Variants in PSD2 observed in about 807,000 individuals in gnomAD.
PSD2 encodes the protein pleckstrin and Sec7 domain containing 2, also known as PH and SEC7 domain-containing protein 2.
Under a neutral mutation model 69.8 loss-of-function variants are expected in PSD2, and 38 were observed. The ratio of observed to expected loss-of-function variants is 0.54; its 90% CI spans 0.42 to 0.71. PSD2 has a LOEUF of 0.71. Among genes scored for constraint, PSD2 ranks in the 30% least tolerant of loss-of-function variants. The probability of loss-of-function intolerance (pLI) is 0.00; values close to 1 mark genes in which losing one functional copy is unlikely to be tolerated. For missense variants in PSD2, 943 were observed against 1,014.5 expected (o/e 0.93, Z 0.96); for synonymous variants, 412 against 423.0 (o/e 0.97, Z 0.32).
chr5:139,747,131 C>A, the PSD2 span, among the ~76,000 whole-genome samples: 3 of 152,276 alleles, frequency 2.0e-5, no homozygotes, highest in South Asian at 6.2e-4. This position sits in a 1 kb window ranked among gnomAD's most constrained non-coding sequence, Gnocchi z 6.7. Context: ...TCTTTCTCTG[C>A]CTGTCTCTGT....
At chr5:139,812,952 C>T (rs1176308586) in intron 2 of PSD2, among the ~76,000 whole-genome samples, 1 of 152,160 alleles carries the variant, frequency 6.6e-6, no homozygotes, top group Non-Finnish European at 1.5e-5. Flanking sequence ...CTGGGTGTTC[C>T]ATGGCCATAA....
chr5:139,785,790 T>C, the PSD2 span, among the ~76,000 whole-genome samples: 5 of 152,088 alleles, frequency 3.3e-5, no homozygotes, highest in East Asian at 9.6e-4. Flanking sequence ...GGGTCTCCAA[T>C]CTAAAAATGG....
At chr5:139,832,851 G>A (rs1279233091) in intron 7 of PSD2, among the ~76,000 whole-genome samples, 2 of 152,154 alleles carry the variant, frequency 1.3e-5, no homozygotes, top group Non-Finnish European at 2.9e-5. Flanking sequence ...TTAGGTGTTG[G>A]GTTTGCAGGG....
rs1237232010 is a variant in PSD2 at position 139,837,028 on chromosome 5, T to C, written c.1594+27T>C. 1.2e-6 allele frequency: 2 copies of C among 1,604,546 alleles called. No individual in the cohort carries two copies. The highest frequency in any genetic ancestry group is 1.3e-5 in the African/African-American group (1 of 74,580). On this transcript the variant is annotated intron_variant, in intron 10 of 14. Coordinates refer to ENST00000274710, the MANE Select transcript of PSD2 (RefSeq NM_032289.4). The surrounding 1 kb of genome is among the most constrained non-coding windows in gnomAD (Gnocchi z 5.0). Reference sequence around the variant, plus strand: ...TGGGTGTCAGGCTGGGAGAGGGGCATGGGAGGGAGGCTGGCACAGAGGGGG... The same window carrying C: ...TGGGTGTCAGGCTGGGAGAGGGGCACGGGAGGGAGGCTGGCACAGAGGGGG...
intron 5 of PSD2, among the ~76,000 whole-genome samples, chr5:139,818,764 A>G (rs1760186672): frequency 6.6e-6 from 1 of 152,230 alleles, no homozygotes; most frequent in African/African-American, 2.4e-5. Flanking sequence ...TAGGATATAA[A>G]TAACTCCCAC....
the PSD2 span, among the ~76,000 whole-genome samples, chr5:139,763,786 C>T: frequency 1.9e-4 from 29 of 152,372 alleles, no homozygotes; most frequent in Middle Eastern, 3.4e-3. Flanking sequence ...GGTCTTTGCA[C>T]CAGCTGTTCT....
Position 139,838,463 on chromosome 5 carries a change from C to T in PSD2, c.1824-165C>T, listed in dbSNP as rs564785810. Among the ~76,000 whole-genome samples, 6 of 152,218 alleles carry T rather than the reference C, an allele frequency of 3.9e-5. No individual in the cohort carries two copies. In the East Asian group the frequency reaches 1.2e-3, roughly 29 times the overall value. On this transcript the variant is annotated intron_variant, in intron 12 of 14. Transcript: ENST00000274710. ...AAGGGAGCTCCGTGCATAGCTCTGG[C>T]CAGGCCCATCCAGCCCCCATGTGTC... is the stretch of plus-strand genomic sequence containing the variant.
At chr5:139,838,507 C>T in intron 12 of PSD2, 121 bp from the exon 13 acceptor site, 2 of 1,075,836 alleles carry the variant, frequency 1.9e-6, no homozygotes, top group South Asian at 1.6e-5. Flanking sequence ...CCCCTTTATC[C>T]ACCCATCTAG....
chr5:139,822,097 C>T, intron 6 of PSD2, 92 bp downstream of exon 6: 1 of 734,752 alleles, frequency 1.4e-6, no homozygotes, highest in Non-Finnish European at 2.3e-6. Context: ...CACTTCGGTC[C>T]TGTTGCCAGG....
At chr5:139,758,838 T>A in the PSD2 span, among the ~76,000 whole-genome samples, 1 of 152,096 alleles carries the variant, frequency 6.6e-6, no homozygotes, top group East Asian at 1.9e-4. Flanking sequence ...CCTGGGCATG[T>A]GACTTGGGCA....
intron 1 of PSD2, among the ~76,000 whole-genome samples, chr5:139,806,321 T>C (rs1759806006): frequency 6.6e-6 from 1 of 152,190 alleles, no homozygotes; most frequent in Admixed American, 6.5e-5. Flanking sequence ...ACTCTCTTGG[T>C]TGAGGGTTTG....
chr5:139,767,330 TTA>T, the PSD2 span, among the ~76,000 whole-genome samples: 2 of 151,598 alleles, frequency 1.3e-5, no homozygotes, highest in Non-Finnish European at 2.9e-5. Flanking sequence ...TTTTTATTTT[TTA>T]AAGACAGAAT....
At chr5:139,776,151 C>A in the PSD2 span, among the ~76,000 whole-genome samples, 1 of 152,256 alleles carries the variant, frequency 6.6e-6, no homozygotes, top group Non-Finnish European at 1.5e-5. Flanking sequence ...GACCTCCTGC[C>A]GCTGAGGGCT....
intron 7 of PSD2, among the ~76,000 whole-genome samples, chr5:139,831,536 G>T (rs1165686961): frequency 6.6e-6 from 1 of 151,860 alleles, no homozygotes; most frequent in Non-Finnish European, 1.5e-5. Flanking sequence ...TAGCTTGTTT[G>T]TTGTGCATTC....
At chr5:139,819,660 C>T (rs183440826) in intron 5 of PSD2, among the ~76,000 whole-genome samples, 1 of 152,328 alleles carries the variant, frequency 6.6e-6, no homozygotes. Flanking sequence ...TCTCCAGAAT[C>T]TTGGCCCTTT....
the PSD2 span, among the ~76,000 whole-genome samples, chr5:139,786,374 C>A: frequency 1.3e-5 from 2 of 152,120 alleles, no homozygotes; most frequent in African/African-American, 4.8e-5. Context: ...GGGGACAGAG[C>A]AAGACCCTGC....
chr5:139,827,782 A>T (rs1760464671), intron 7 of PSD2, among the ~76,000 whole-genome samples: 1 of 152,178 alleles, frequency 6.6e-6, no homozygotes, highest in Non-Finnish European at 1.5e-5. Flanking sequence ...AAACCATCAG[A>T]TCTGCTGAGA....
At chr5:139,769,735 G>C in the PSD2 span, among the ~76,000 whole-genome samples, 1 of 152,134 alleles carries the variant, frequency 6.6e-6, no homozygotes, top group South Asian at 2.1e-4. Flanking sequence ...GGCTGGGTCA[G>C]TCATTGCACT....
chr5:139,776,779 C>T, the PSD2 span, among the ~76,000 whole-genome samples: 3 of 152,006 alleles, frequency 2.0e-5, no homozygotes, highest in African/African-American at 7.3e-5. Flanking sequence ...AGTGATCCTC[C>T]TTCCTCAGCC....
Sources: gnomAD v4.1 joint callset for allele counts (sites outside exome capture counted in the v4.1 genomes callset) on GRCh38, gnomAD v4.1.1 for gene constraint, Gnocchi (gnomAD v3.1) non-coding constraint, MANE v1.5 for transcripts, NCBI Gene and HGNC (gene_info 2026-07-23, HGNC 2026-07-21) for gene names.